COL22A1: variants seen among roughly 807,000 people sequenced by gnomAD.
The protein encoded by COL22A1 is collagen type XXII alpha 1 chain.
Under a neutral mutation model 248.9 loss-of-function variants are expected in COL22A1, and 221 were observed. The ratio of observed to expected loss-of-function variants is 0.89; its 90% CI spans 0.80 to 0.99. The LOEUF (loss-of-function observed/expected upper bound fraction) is 0.99. COL22A1 is among the 50% of genes least tolerant of loss of function. The pLI, the probability that COL22A1 is intolerant of heterozygous loss-of-function variation, is 0.00. For synonymous variants in COL22A1, 891 were observed against 793.4 expected (o/e 1.12, Z -2.07); for missense variants, 2,240 against 2,179.0 (o/e 1.03, Z -0.56).
chr8:138,861,276 T>G (rs1322246907), intron 3 of COL22A1, among the ~76,000 whole-genome samples: 1 of 152,202 alleles, frequency 6.6e-6, no homozygotes, highest in Non-Finnish European at 1.5e-5. Context: ...CGGGCTCACA[T>G]GAAGCTCATG....
At chr8:138,774,222 T>C (rs1177498707) in intron 16 of COL22A1, among the ~76,000 whole-genome samples, 1 of 152,160 alleles carries the variant, frequency 6.6e-6, no homozygotes, top group Non-Finnish European at 1.5e-5. Flanking sequence ...GGAGCCTGCT[T>C]TGGGGAACGA....
chr8:138,785,401 AC>A (rs1218173881), intron 12 of COL22A1, among the ~76,000 whole-genome samples: 3 of 152,042 alleles, frequency 2.0e-5, no homozygotes, highest in Non-Finnish European at 2.9e-5. Context: ...CATCCCTACA[AC>A]CCTAGGAATC....
chr8:138,821,957 G>A (rs1197628737), intron 6 of COL22A1, among the ~76,000 whole-genome samples: 1 of 152,174 alleles, frequency 6.6e-6, no homozygotes, highest in Non-Finnish European at 1.5e-5. Context: ...TGGGTCATTG[G>A]GGTAGCCTTC....
At chr8:138,636,924 C>T (rs1238016370) in intron 47 of COL22A1, 129 bp from the exon 48 acceptor site, 1 of 778,152 alleles carries the variant, frequency 1.3e-6, no homozygotes, top group Non-Finnish European at 2.2e-6. Context: ...CCTGTGGTAG[C>T]TCAGGCACGG....
At position 138,685,400 on chromosome 8, in the gene COL22A1, T is replaced by G. The variant is rs557702478; in HGVS notation, c.2863-88A>C. ...GGAGCAGCTTGAGTAGGTTTGTAGG[T>G]TTCCTGGGGCTGCCTTTATGATTTT... is the stretch of plus-strand genomic sequence containing the variant. On this transcript the variant is annotated intron_variant, in intron 37 of 64. Transcript: ENST00000303045. 34 of 1,036,794 alleles carry G rather than the reference T, an allele frequency of 3.3e-5. No homozygotes were observed. In the African/African-American group the frequency reaches 5.1e-4, roughly 16 times the overall value. 64.2% of individuals were successfully genotyped at this position (1,036,794 alleles called of 1,614,324 possible). A position where few individuals can be genotyped will look rare whatever the true frequency, so the allele number is the denominator to read the frequency against.
At chr8:138,719,904 G>A (rs952872871) in intron 27 of COL22A1, among the ~76,000 whole-genome samples, 1 of 152,220 alleles carries the variant, frequency 6.6e-6, no homozygotes, top group African/African-American at 2.4e-5. Context: ...CCCTGTGGGT[G>A]GAGGGCGGGA....
At chr8:138,723,784 G>A (rs1358875136) in intron 25 of COL22A1, among the ~76,000 whole-genome samples, 1 of 152,214 alleles carries the variant, frequency 6.6e-6, no homozygotes, top group East Asian at 1.9e-4. Flanking sequence ...GCACTGGGGA[G>A]CAACAGAGCT....
At chr8:138,765,208 T>G (rs966157862) in intron 16 of COL22A1, among the ~76,000 whole-genome samples, 8 of 152,146 alleles carry the variant, frequency 5.3e-5, no homozygotes, top group African/African-American at 1.9e-4. Context: ...GGCCCTCCTG[T>G]CCTTTCGTCC....
intron 12 of COL22A1, among the ~76,000 whole-genome samples, chr8:138,790,590 A>G (rs927778722): frequency 6.6e-6 from 1 of 152,170 alleles, no homozygotes; most frequent in Non-Finnish European, 1.5e-5. Context: ...TTATAACTTC[A>G]GTTAAAGCCT....
intron 30 of COL22A1, among the ~76,000 whole-genome samples, chr8:138,709,475 A>T (rs1828765420): frequency 1.3e-5 from 2 of 152,126 alleles, no homozygotes; most frequent in South Asian, 4.1e-4. Context: ...GGATGAGTTC[A>T]TGTCCTTTGT....
intron 45 of COL22A1, 89 bp from the exon 46 acceptor site, chr8:138,649,867 C>T (rs556331483): frequency 2.7e-6 from 2 of 744,608 alleles, no homozygotes; most frequent in South Asian, 2.0e-5. Flanking sequence ...GCTGCTATCT[C>T]TCCAGATGGA....
At chr8:138,764,550 C>A (rs1050575441) in intron 16 of COL22A1, among the ~76,000 whole-genome samples, 24 of 152,248 alleles carry the variant, frequency 1.6e-4, no homozygotes, top group African/African-American at 5.1e-4. Flanking sequence ...GGTTTGCAGG[C>A]CCCTGGCCTT....
chr8:138,863,880 C>G (rs1045829785), intron 3 of COL22A1, among the ~76,000 whole-genome samples: 1 of 151,854 alleles, frequency 6.6e-6, no homozygotes, highest in Admixed American at 6.6e-5. Context: ...GATTTCTGCC[C>G]GAATCCACAC....
chr8:138,747,270 T>A (rs1414170910), intron 22 of COL22A1, among the ~76,000 whole-genome samples: 1 of 152,238 alleles, frequency 6.6e-6, no homozygotes, highest in Non-Finnish European at 1.5e-5. Context: ...GCATTTAGGG[T>A]ATATGAAGGT....
chr8:138,911,619 A>G (rs1815456669), intron 1 of COL22A1, among the ~76,000 whole-genome samples: 1 of 152,244 alleles, frequency 6.6e-6, no homozygotes, highest in Non-Finnish European at 1.5e-5. Context: ...CAGCCAAAAG[A>G]GAAACCAGAG....
chr8:138,797,016 G>A (rs914903184), intron 11 of COL22A1, among the ~76,000 whole-genome samples, 159 bp from the exon 12 acceptor site: 8 of 152,160 alleles, frequency 5.3e-5, no homozygotes, highest in Non-Finnish European at 8.8e-5. Flanking sequence ...TTAACTGAGT[G>A]TGCATTCTCA....
intron 58 of COL22A1, 122 bp from the exon 59 acceptor site, chr8:138,604,891 C>A: frequency 1.1e-6 from 1 of 910,068 alleles, no homozygotes; most frequent in Non-Finnish European, 1.8e-6. Context: ...AATCGATGGT[C>A]TACCTGGCCA....
chr8:138,892,789 G>A (rs1196011236), intron 1 of COL22A1, among the ~76,000 whole-genome samples: 8 of 152,314 alleles, frequency 5.3e-5, no homozygotes, highest in South Asian at 2.1e-4. Context: ...AATGAGATTC[G>A]GCAGATTGCT....
chr8:138,796,760 C>CA (rs1218046753), intron 12 of COL22A1, 59 bp downstream of exon 12: 1 of 1,185,500 alleles, frequency 8.4e-7, no homozygotes, highest in Non-Finnish European at 1.3e-6. Flanking sequence ...ACACCTCCCC[C>CA]AAACCTAAGT....
Sources: allele counts gnomAD v4.1 joint callset (sites outside exome capture counted in the v4.1 genomes callset), GRCh38; gene constraint gnomAD v4.1.1; transcripts MANE v1.5; gene names NCBI Gene and HGNC (gene_info 2026-07-23, HGNC 2026-07-21).